The following MSI2 variants were observed in gnomAD, a reference collection of about 807,000 sequenced individuals.
MSI2 encodes RNA-binding protein Musashi homolog 2.
In MSI2, 17 loss-of-function variants were observed where a neutral mutation model predicts 45.6. That is an observed-to-expected ratio of 0.37 (90% confidence interval 0.26 to 0.56). MSI2 has a LOEUF of 0.56. MSI2 is among the 20% of genes least tolerant of loss of function. MSI2 has a pLI of 0.77. For synonymous variants in MSI2, 156 were observed against 158.2 expected, an observed-to-expected ratio of 0.99 and a Z score of 0.11; for missense variants, 293 against 444.2, an observed-to-expected ratio of 0.66 and a Z score of 3.06.
intron 5 of MSI2, among the ~76,000 whole-genome samples, chr17:57,361,964 T>G (rs937610133): frequency 6.6e-6 from 1 of 152,242 alleles, no homozygotes; most frequent in African/African-American, 2.4e-5. Flanking sequence ...TTCTACAAAT[T>G]ATTTTGGTCA....
At chr17:57,300,588 T>G (rs1911341752) in intron 5 of MSI2, among the ~76,000 whole-genome samples, 2 of 152,172 alleles carry the variant, frequency 1.3e-5, no homozygotes, top group Admixed American at 6.5e-5. Context: ...ACCTTTAAGA[T>G]GATGTATTCA....
chr17:57,387,949 A>G (rs1220976815), intron 5 of MSI2, among the ~76,000 whole-genome samples: 2 of 152,222 alleles, frequency 1.3e-5, no homozygotes, highest in Admixed American at 6.5e-5. Flanking sequence ...GAACAAGTTT[A>G]GAGAAGCTCA....
chr17:57,567,578 G>A lies in MSI2; in HGVS notation c.455-29290G>A, dbSNP rs1051460143. The stretch of plus-strand genomic sequence containing the variant: ...ACTGTAAAGTGCAGCTGCCTTAACC[G>A]GCAGTTAACCGGCGACTGCCAGTCT... On this transcript the variant is annotated intron_variant, in intron 7 of 13. Transcript: ENST00000284073. Among the ~76,000 whole-genome samples, 15 of 152,182 alleles carry A rather than the reference G, an allele frequency of 9.9e-5. No homozygotes were observed. The East Asian group carries it at 1.3e-3, about 14-fold the overall frequency.
intron 6 of MSI2, among the ~76,000 whole-genome samples, chr17:57,464,305 G>A (rs925769104): frequency 3.9e-5 from 6 of 152,068 alleles, no homozygotes; most frequent in African/African-American, 1.4e-4. Context: ...TTAGTCAGGC[G>A]TGGTGGCACG....
At chr17:57,263,940 A>C (rs898942132) in intron 5 of MSI2, 1 of 152,180 alleles carries the variant, frequency 6.6e-6, no homozygotes, top group East Asian at 1.9e-4. Context: ...ACTTCACTTT[A>C]CGGAGGACTT....
At chr17:57,586,515 TCTC>T (rs1228104453) in intron 7 of MSI2, among the ~76,000 whole-genome samples, 15 of 144,728 alleles carry the variant, frequency 1.0e-4, no homozygotes, top group African/African-American at 3.5e-4. Context: ...AAAAAAAAAA[TCTC>T]CTAGTGCCTG....
chr17:57,280,296 ATATC>A lies in MSI2; in HGVS notation c.312+18106_312+18109del, dbSNP rs1335839839. Among the ~76,000 whole-genome samples, 1 of 152,174 alleles carries A rather than the reference ATATC, an allele frequency of 6.6e-6. No homozygotes were observed. Among genetic ancestry groups the A allele is most frequent in the African/African-American group, 2.4e-5 (1 of 41,426 alleles). On this transcript the variant is annotated intron_variant, in intron 5 of 13. Coordinates refer to ENST00000284073, the MANE Select transcript of MSI2 (RefSeq NM_138962.4). This position sits in a 1 kb window ranked among gnomAD's most constrained non-coding sequence, Gnocchi z 4.2. Reference sequence around the variant, plus strand: ...AAATGATCAGGTTTGCGTTTTGAAAATATCTCTCTGACAGTCTACACGAAAAGTG... The same window carrying A: ...AAATGATCAGGTTTGCGTTTTGAAAATCTCTGACAGTCTACACGAAAAGTG...
At chr17:57,639,105 C>T (rs1431706783) in intron 10 of MSI2, among the ~76,000 whole-genome samples, 1 of 152,138 alleles carries the variant, frequency 6.6e-6, no homozygotes, top group Non-Finnish European at 1.5e-5. Flanking sequence ...ATCATGAGGA[C>T]TCCACCCTCA....
chr17:57,690,483 G>A, the MSI2 span, among the ~76,000 whole-genome samples: 1 of 151,792 alleles, frequency 6.6e-6, no homozygotes, highest in African/African-American at 2.4e-5. Context: ...GCTGGTCATT[G>A]CAGTGTGCAC....
At chr17:57,499,182 C>T (rs1369561639) in intron 6 of MSI2, among the ~76,000 whole-genome samples, 3 of 151,834 alleles carry the variant, frequency 2.0e-5, no homozygotes, top group African/African-American at 7.3e-5. Context: ...TCAAGACTAG[C>T]CTGGCCAACA....
At chr17:57,541,979 G>A (rs1353809725) in intron 7 of MSI2, among the ~76,000 whole-genome samples, 1 of 152,128 alleles carries the variant, frequency 6.6e-6, no homozygotes, top group Non-Finnish European at 1.5e-5. Flanking sequence ...CGTACGCAAT[G>A]CTGACATCCG....
chr17:57,682,069 A>G lies in MSI2; in HGVS notation c.*2552A>G, dbSNP rs568900633. 19 of 204,240 alleles carry G rather than the reference A, an allele frequency of 9.3e-5. No homozygotes were observed. In the South Asian group the frequency reaches 3.2e-3, roughly 35 times the overall value. 12.7% of individuals were successfully genotyped at this position (204,240 alleles called of 1,614,324 possible). A position where few individuals can be genotyped will look rare whatever the true frequency, so the allele number is the denominator to read the frequency against. On this transcript the variant is annotated 3_prime_UTR_variant, in exon 14 of 14. Transcript: ENST00000284073. ...TTTTTTCTCCTCTTTCTTCTAGTACATATTGATAGGTATAACATAATTAAG... is the reference window on the plus strand; with the variant it reads ...TTTTTTCTCCTCTTTCTTCTAGTACGTATTGATAGGTATAACATAATTAAG...
At chr17:57,637,337 A>G (rs890820908) in intron 10 of MSI2, among the ~76,000 whole-genome samples, 3 of 152,212 alleles carry the variant, frequency 2.0e-5, no homozygotes, top group African/African-American at 7.2e-5. Flanking sequence ...ATATGTTGCC[A>G]CGTTCCTCCC....
downstream of MSI2, among the ~76,000 whole-genome samples, chr17:57,685,331 G>A (rs1913850429): frequency 6.6e-6 from 1 of 152,142 alleles, no homozygotes; most frequent in Non-Finnish European, 1.5e-5. Flanking sequence ...TGAATCAGTG[G>A]ATTCCTCAGC....
chr17:57,383,071 C>T (rs981023831), intron 5 of MSI2, among the ~76,000 whole-genome samples: 3 of 152,182 alleles, frequency 2.0e-5, no homozygotes, highest in African/African-American at 7.2e-5. Context: ...AGAACAGGGT[C>T]TGTGTCCAGG....
At chr17:57,582,920 A>G (rs1167576307) in intron 7 of MSI2, among the ~76,000 whole-genome samples, 1 of 152,230 alleles carries the variant, frequency 6.6e-6, no homozygotes, top group Non-Finnish European at 1.5e-5. Flanking sequence ...TAGCAACAAA[A>G]ACACTAAACA....
At chr17:57,544,030 A>C (rs1419052726) in intron 7 of MSI2, among the ~76,000 whole-genome samples, 2 of 152,196 alleles carry the variant, frequency 1.3e-5, no homozygotes, top group East Asian at 3.8e-4. Flanking sequence ...TCAGGAGTGA[A>C]AAACTATGTT....
chr17:57,557,267 A>G (rs1203704407), intron 7 of MSI2, among the ~76,000 whole-genome samples: 1 of 152,228 alleles, frequency 6.6e-6, no homozygotes, highest in African/African-American at 2.4e-5. Flanking sequence ...CTTACATGGG[A>G]CAGCCAGGGC....
intron 7 of MSI2, among the ~76,000 whole-genome samples, chr17:57,549,167 G>T (rs769534368): frequency 6.6e-6 from 1 of 152,188 alleles, no homozygotes; most frequent in South Asian, 2.1e-4. Flanking sequence ...GAGCCGCCGG[G>T]CGCCGGCCGA....
Sources: gnomAD v4.1 joint callset for allele counts (sites outside exome capture counted in the v4.1 genomes callset) on GRCh38, gnomAD v4.1.1 for gene constraint, Gnocchi (gnomAD v3.1) non-coding constraint, MANE v1.5 for transcripts, NCBI Gene and HGNC (gene_info 2026-07-23, HGNC 2026-07-21) for gene names.